GTF2I: variants seen among roughly 807,000 people sequenced by gnomAD.
GTF2I encodes general transcription factor IIi, also known as general transcription factor II-I.
GTF2I carries 12 observed loss-of-function variants against 67.6 expected under a neutral mutation model. That is an observed-to-expected ratio of 0.18 (90% CI 0.11 to 0.29). The LOEUF (loss-of-function observed/expected upper bound fraction) is 0.29, where lower values mean the gene tolerates loss of function less well. Ranked by LOEUF, GTF2I falls within the 10% of genes least tolerant of loss-of-function variation. GTF2I has a pLI of 1.00. For missense variants in GTF2I, 271 were observed against 580.1 expected, an observed-to-expected ratio of 0.47 and a Z score of 5.47; for synonymous variants, 149 against 197.0, an observed-to-expected ratio of 0.76 and a Z score of 2.04.
At chr7:74,664,794 A>G (rs1381127115) in intron 1 of GTF2I, among the ~76,000 whole-genome samples, 2 of 152,078 alleles carry the variant, frequency 1.3e-5, no homozygotes, top group Non-Finnish European at 1.5e-5. Context: ...GAGAGGGAAG[A>G]CAAATTTATA....
intron 10 of GTF2I, among the ~76,000 whole-genome samples, chr7:74,715,568 T>TTCAC (rs1792155546): frequency 6.6e-6 from 1 of 152,122 alleles, no homozygotes; most frequent in Non-Finnish European, 1.5e-5. Flanking sequence ...GCCTCATCAT[T>TTCAC]TCACTCTCAT....
intron 3 of GTF2I, 51 bp downstream of exon 3, chr7:74,691,162 A>G: frequency 1.6e-6 from 2 of 1,239,638 alleles, no homozygotes; most frequent in South Asian, 2.6e-5. Context: ...AAGCCTAAAT[A>G]TTTGTAGGTA....
intron 3 of GTF2I, among the ~76,000 whole-genome samples, chr7:74,693,572 C>A (rs1253063690): frequency 6.6e-6 from 1 of 152,046 alleles, no homozygotes; most frequent in Non-Finnish European, 1.5e-5. Context: ...GCCGGCCAGG[C>A]ACGGTGGCTC....
At chr7:74,685,554 G>A (rs1554395230) in intron 1 of GTF2I, among the ~76,000 whole-genome samples, 1 of 152,136 alleles carries the variant, frequency 6.6e-6, no homozygotes, top group Non-Finnish European at 1.5e-5. Context: ...ATAACCTGAA[G>A]TCAGAAGTTC....
chr7:74,681,161 G>A (rs750615695), intron 1 of GTF2I, among the ~76,000 whole-genome samples: 51 of 152,122 alleles, frequency 3.4e-4, no homozygotes, highest in Non-Finnish European at 6.0e-4. Flanking sequence ...GAGGCTGGGC[G>A]CAGTGGCTTA....
At chr7:74,698,389 CTTTTT>C in intron 3 of GTF2I, among the ~76,000 whole-genome samples, 1 of 55,904 alleles carries the variant, frequency 1.8e-5, no homozygotes, top group Admixed American at 2.8e-4. Context: ...CGCACCTGGC[CTTTTT>C]TTTTTTTTTT....
At chr7:74,723,590 C>T (rs1378204402) in intron 12 of GTF2I, among the ~76,000 whole-genome samples, 1 of 151,640 alleles carries the variant, frequency 6.6e-6, no homozygotes, top group Admixed American at 6.6e-5. Context: ...GCCACCATGT[C>T]CAGCCAATAT....
rs146141047 is a variant in GTF2I, at chr7:74,699,920, T to A, written c.374-327T>A. The A allele has an allele frequency of 1.3e-5, 3 of 234,660 alleles. No individual in the cohort carries two copies. The East Asian group carries it at 2.9e-4, about 23-fold the overall frequency. The allele number at this position is 234,660 out of a possible 1,614,324, so 14.5% of individuals were successfully genotyped here. A position where few individuals can be genotyped will look rare whatever the true frequency, so the allele number is the denominator to read the frequency against. ...AATAGTTGGATGTGCTGGGCTTCTG[T>A]ATTCTGAGGCCAAATTGTACCTGAG... On this transcript the variant is annotated intron_variant, in intron 4 of 34. Transcript: ENST00000573035.
At chr7:74,705,789 C>G (rs964712005) in intron 7 of GTF2I, among the ~76,000 whole-genome samples, 1 of 152,098 alleles carries the variant, frequency 6.6e-6, no homozygotes, top group African/African-American at 2.4e-5. Flanking sequence ...GTCTCGAACT[C>G]CTGACCTCGG....
intron 14 of GTF2I, among the ~76,000 whole-genome samples, chr7:74,731,861 T>C (rs1190909309): frequency 1.3e-5 from 2 of 151,534 alleles, no homozygotes; most frequent in Non-Finnish European, 2.9e-5. Flanking sequence ...TTTCTATTGG[T>C]TCATTATGAA....
intron 1 of GTF2I, among the ~76,000 whole-genome samples, chr7:74,674,568 C>T (rs1286589863): frequency 6.6e-6 from 1 of 151,998 alleles, no homozygotes; most frequent in Admixed American, 6.6e-5. Context: ...GATGGAGTTT[C>T]ACTCTTGTTG....
intron 1 of GTF2I, among the ~76,000 whole-genome samples, chr7:74,686,193 G>C (rs587638181): frequency 3.9e-4 from 59 of 152,242 alleles, no homozygotes; most frequent in Admixed American, 3.9e-3. Context: ...CTGGGACACA[G>C]AAAAAGTGGG....
intron 1 of GTF2I, among the ~76,000 whole-genome samples, chr7:74,662,868 G>A (rs1239563185): frequency 6.6e-6 from 1 of 151,994 alleles, no homozygotes; most frequent in African/African-American, 2.4e-5. Flanking sequence ...CCGCAGATAG[G>A]TGGGAGGAAT....
intron 6 of GTF2I, among the ~76,000 whole-genome samples, chr7:74,702,800 C>G (rs1789999019): frequency 6.6e-6 from 1 of 150,544 alleles, no homozygotes; most frequent in Admixed American, 6.6e-5. Flanking sequence ...GTGGCGCCAT[C>G]TCAGCTTAGT....
intron 1 of GTF2I, among the ~76,000 whole-genome samples, chr7:74,661,053 C>T (rs1369832157): frequency 2.6e-5 from 4 of 152,180 alleles, no homozygotes; most frequent in East Asian, 1.9e-4. Context: ...TTCTATAGAG[C>T]GGAACAAGTC....
chr7:74,707,322 C>T (rs587725371), intron 8 of GTF2I, among the ~76,000 whole-genome samples: 20 of 152,344 alleles, frequency 1.3e-4, no homozygotes, highest in African/African-American at 4.6e-4. Flanking sequence ...GGGCTGTCAC[C>T]GCCCTGCCTG....
intron 11 of GTF2I, among the ~76,000 whole-genome samples, chr7:74,718,287 ATACTC>A (rs1265475622): frequency 9.2e-5 from 14 of 152,354 alleles, no homozygotes; most frequent in South Asian, 2.1e-4. Flanking sequence ...ACTAATGAAA[ATACTC>A]TATAAGCTTC....
rs181022304 is a variant in GTF2I, at chr7:74,674,543, A to G, written c.-5-14581A>G. On this transcript the variant is annotated intron_variant, in intron 1 of 34. Coordinates refer to ENST00000573035, the MANE Select transcript of GTF2I (RefSeq NM_032999.4). The stretch of plus-strand genomic sequence containing the variant: ...TTCCACCCAGTTTCCTTGCCTCTCT[A>G]ATATACTTTTTTGAGATGGAGTTTC... Among the ~76,000 whole-genome samples, 65 of 151,942 alleles carry G rather than the reference A, an allele frequency of 4.3e-4. 3 individuals carry two copies. In the East Asian group the frequency reaches 0.012, roughly 27 times the overall value.
chr7:74,672,277 G>C (rs150787557), intron 1 of GTF2I, among the ~76,000 whole-genome samples: 1 of 151,986 alleles, frequency 6.6e-6, no homozygotes, highest in African/African-American at 2.4e-5. Context: ...GATGGCTCTC[G>C]CCAGTAATCC....
Sources: allele counts gnomAD v4.1 joint callset (sites outside exome capture counted in the v4.1 genomes callset), GRCh38; gene constraint gnomAD v4.1.1; transcripts MANE v1.5; gene names NCBI Gene and HGNC (gene_info 2026-07-23, HGNC 2026-07-21).